Variants in ITGAM observed in about 807,000 individuals in gnomAD.
ITGAM encodes the protein integrin alpha-M.
In ITGAM, 79 loss-of-function variants were observed where a neutral mutation model predicts 137.5. The ratio of observed to expected loss-of-function variants is 0.57; its 90% CI spans 0.48 to 0.69. The LOEUF is 0.69. Ranked by LOEUF, ITGAM falls within the 30% of genes least tolerant of loss-of-function variation. The probability of loss-of-function intolerance (pLI) is 0.00; values close to 1 mark genes in which losing one functional copy is unlikely to be tolerated. For synonymous variants in ITGAM, 583 were observed against 592.3 expected (o/e 0.98, Z 0.23); for missense variants, 1,343 against 1,483.5 (o/e 0.91, Z 1.56).
intron 14 of ITGAM, among the ~76,000 whole-genome samples, chr16:31,318,977 T>G (rs958037303): frequency 2.6e-5 from 4 of 152,182 alleles, no homozygotes; most frequent in Non-Finnish European, 5.9e-5. Flanking sequence ...TGTTCAATGG[T>G]GTATTGTTTA....
chr16:31,326,103 A>T (rs1352973061), intron 21 of ITGAM, among the ~76,000 whole-genome samples: 1 of 152,118 alleles, frequency 6.6e-6, no homozygotes, highest in Non-Finnish European at 1.5e-5. Context: ...AATAAAGTAT[A>T]CAGTTCAGTG....
chr16:31,262,303 C>G (rs1191748761), intron 2 of ITGAM, among the ~76,000 whole-genome samples: 2 of 148,294 alleles, frequency 1.3e-5, no homozygotes, highest in Non-Finnish European at 3.0e-5. Context: ...CCCTGCTTCC[C>G]TCTTTCCCTC....
At chr16:31,320,854 C>T (rs760002065) in intron 14 of ITGAM, among the ~76,000 whole-genome samples, 1 of 152,054 alleles carries the variant, frequency 6.6e-6, no homozygotes, top group Non-Finnish European at 1.5e-5. Context: ...TTACTTTTCC[C>T]TGTATGCAGG....
chr16:31,267,873 G>A (rs2079787071), intron 5 of ITGAM, among the ~76,000 whole-genome samples: 1 of 151,844 alleles, frequency 6.6e-6, no homozygotes, highest in Non-Finnish European at 1.5e-5. Context: ...CGAATTCCTG[G>A]GCTCAAGAGA....
rs1011861976 is a variant in ITGAM, at chr16:31,272,068, C to G, written c.704+76C>G. On this transcript the variant is annotated intron_variant, in intron 7 of 29. Transcript: ENST00000544665. ...CTGGGCTTTGATGGATGAAGGGAGC[C>G]GTTCAGACAGGGGTGGTAGAGGATG... is the stretch of plus-strand genomic sequence containing the variant. 5.7e-6 allele frequency: 9 copies of G among 1,567,480 alleles called. No individual in the cohort carries two copies. In the Admixed American group the frequency reaches 1.3e-4, roughly 23 times the overall value.
At chr16:31,269,441 C>G (rs1026856149) in intron 5 of ITGAM, among the ~76,000 whole-genome samples, 1 of 152,126 alleles carries the variant, frequency 6.6e-6, no homozygotes, top group Admixed American at 6.5e-5. Context: ...AAACTATAAA[C>G]TATAAACTAT....
chr16:31,330,521 C>A lies in ITGAM; in HGVS notation c.3192C>A (p.Leu1064=). The A allele has an allele frequency of 6.2e-7, 1 of 1,613,792 alleles. No individual in the cohort carries two copies. The highest frequency in any genetic ancestry group is 1.7e-5 in the Admixed American group (1 of 60,004). Residue 1064 remains leucine, a synonymous_variant, in exon 28 of 30, where the codon CTC becomes CTA. Transcript: ENST00000544665. The stretch of plus-strand genomic sequence containing the variant: ...TTCCACAGACCTCGCATAACCACCT[C>A]CTGATCGTGAGCACAGCTGAGATCT... ...DWYIKTSHNH[L]LIVSTAEILF... is the part of the protein sequence containing the mutation.
chr16:31,321,762 C>T (rs1157272656), intron 16 of ITGAM, 135 bp downstream of exon 16: 5 of 883,970 alleles, frequency 5.7e-6, no homozygotes, highest in Middle Eastern at 3.5e-4. Context: ...CCAAGCCTTA[C>T]CTGAGTGAGC....
chr16:31,270,138 C>T, intron 5 of ITGAM, among the ~76,000 whole-genome samples: 1 of 21,452 alleles, frequency 4.7e-5, no homozygotes, highest in Non-Finnish European at 1.1e-4. Context: ...TCCTCCTTTG[C>T]TTTCCTTTCC....
At chr16:31,276,530 C>T (rs2079907751) in intron 9 of ITGAM, 141 bp from the exon 10 acceptor site, 4 of 616,580 alleles carry the variant, frequency 6.5e-6, no homozygotes, top group Non-Finnish European at 1.2e-5. Context: ...CGGGGTTTCA[C>T]CATGTTCACC....
intron 23 of ITGAM, 74 bp from the exon 24 acceptor site, chr16:31,329,154 A>G (rs978902160): frequency 3.1e-5 from 30 of 954,378 alleles, no homozygotes; most frequent in East Asian, 1.0e-4. Context: ...CGCTCCTTAC[A>G]CACTTAGCCT....
intron 7 of ITGAM, among the ~76,000 whole-genome samples, chr16:31,273,002 G>A (rs529121050): frequency 6.6e-6 from 1 of 151,900 alleles, no homozygotes. Context: ...CCTTTCTGAC[G>A]TTAATAGCAT....
chr16:31,300,586 G>A (rs563745311), intron 14 of ITGAM, among the ~76,000 whole-genome samples: 1 of 152,132 alleles, frequency 6.6e-6, no homozygotes, highest in Non-Finnish European at 1.5e-5. Context: ...TGAAAAAAAT[G>A]TCTCTTCAAG....
At chr16:31,316,389 A>G (rs934244399) in intron 14 of ITGAM, among the ~76,000 whole-genome samples, 1 of 147,190 alleles carries the variant, frequency 6.8e-6, no homozygotes, top group African/African-American at 2.5e-5. Context: ...TCCGTCTGGA[A>G]AAAAAAAAAA....
At chr16:31,264,709 A>T (rs1817941156) in intron 2 of ITGAM, among the ~76,000 whole-genome samples, 1 of 151,850 alleles carries the variant, frequency 6.6e-6, no homozygotes, top group South Asian at 2.1e-4. Context: ...GCTAATTTTT[A>T]AAAACATTTT....
At chr16:31,307,887 C>T (rs544641937) in intron 14 of ITGAM, among the ~76,000 whole-genome samples, 339 of 152,292 alleles carry the variant, frequency 2.2e-3, no homozygotes, top group Middle Eastern at 6.8e-3. Flanking sequence ...AAGGCCTTTT[C>T]TGCATCTATT....
intron 7 of ITGAM, among the ~76,000 whole-genome samples, chr16:31,272,438 TATATATATATATATATATATATATA>T (rs1291218115): frequency 5.7e-4 from 4 of 7,010 alleles, no homozygotes; most frequent in East Asian, 2.1e-3. Context: ...TATATATATA[TATATATATATATATATATATATATA>T]TTTTTTTTTT....
At chr16:31,312,225 T>A (rs2080341007) in intron 14 of ITGAM, among the ~76,000 whole-genome samples, 1 of 151,738 alleles carries the variant, frequency 6.6e-6, no homozygotes, top group South Asian at 2.1e-4. Flanking sequence ...ACATGGCACA[T>A]GTATACATAT....
In ITGAM at chr16:31,329,241, A is replaced by T; in HGVS notation, c.2806A>T (p.Thr936Ser). ...YMVVTSHGVS[T>S]KYLNFTASEN... ...TTCTCCCTTCAGCCATGGGGTCTCCACTAAATATCTCAACTTCACGGCCTC... is the reference window on the plus strand; with the variant it reads ...TTCTCCCTTCAGCCATGGGGTCTCCTCTAAATATCTCAACTTCACGGCCTC... Residue 936 changes from threonine (T) to serine (S), a missense_variant, in exon 24 of 30, where the codon ACT becomes TCT. Thr to Ser is a moderately conservative substitution (Grantham distance 58, BLOSUM62 1). Transcript: ENST00000544665. The T allele has an allele frequency of 6.2e-7, 1 of 1,612,214 alleles. No individual in the cohort carries two copies. The highest frequency in any genetic ancestry group is 1.7e-5 in the Admixed American group (1 of 59,926).
Sources: gnomAD v4.1 joint callset for allele counts (sites outside exome capture counted in the v4.1 genomes callset) on GRCh38, gnomAD v4.1.1 for gene constraint, MANE v1.5 for transcripts, NCBI Gene and HGNC (gene_info 2026-07-23, HGNC 2026-07-21) for gene names.